Variants in EPHA3 observed in about 807,000 individuals in gnomAD.
EPHA3 encodes the protein ephrin type-A receptor 3.
EPHA3 carries 42 observed loss-of-function variants against 107.1 expected under a neutral mutation model. The ratio of observed to expected loss-of-function variants is 0.39; its 90% CI spans 0.31 to 0.51. The LOEUF (loss-of-function observed/expected upper bound fraction) is 0.51, where lower values mean the gene tolerates loss of function less well. EPHA3 is among the 20% of genes least tolerant of loss of function. The pLI is 0.78. For synonymous variants in EPHA3, 461 were observed against 424.8 expected (o/e 1.09, Z -1.05); for missense variants, 1,183 against 1,211.2 (o/e 0.98, Z 0.35).
At chr3:89,141,872 G>T (rs559078532) in intron 2 of EPHA3, among the ~76,000 whole-genome samples, 19 of 151,132 alleles carry the variant, frequency 1.3e-4, no homozygotes, top group Non-Finnish European at 2.5e-4. Flanking sequence ...TTGTTTCATG[G>T]CCCCTATATT....
chr3:89,470,778 G>A (rs560255787), intron 15 of EPHA3, among the ~76,000 whole-genome samples: 17 of 152,306 alleles, frequency 1.1e-4, no homozygotes, highest in African/African-American at 4.1e-4. Context: ...AGAATAATGT[G>A]GGTCTAAAGG....
intron 3 of EPHA3, among the ~76,000 whole-genome samples, chr3:89,288,184 T>C (rs1040290966): frequency 6.6e-6 from 1 of 152,094 alleles, no homozygotes; most frequent in Non-Finnish European, 1.5e-5. Flanking sequence ...GTTACCATCA[T>C]GCAAAACAAT....
chr3:89,419,092 G>A, intron 10 of EPHA3, 113 bp from the exon 11 acceptor site: 1 of 1,136,148 alleles, frequency 8.8e-7, no homozygotes, highest in South Asian at 1.7e-5. Context: ...CATCTTGCAG[G>A]TCAAAGGCAC....
intron 5 of EPHA3, among the ~76,000 whole-genome samples, chr3:89,385,189 C>T (rs1708591459): frequency 6.6e-6 from 1 of 152,102 alleles, no homozygotes; most frequent in Non-Finnish European, 1.5e-5. Context: ...TTCCTACCAA[C>T]ATAATTTCTT....
intron 2 of EPHA3, among the ~76,000 whole-genome samples, chr3:89,203,838 A>G (rs1706035077): frequency 6.6e-6 from 1 of 152,066 alleles, no homozygotes; most frequent in South Asian, 2.1e-4. Context: ...AGCTCCTAGA[A>G]GAGTGGAGCT....
chr3:89,223,183 T>TA (rs999365796), intron 3 of EPHA3, among the ~76,000 whole-genome samples: 6 of 152,222 alleles, frequency 3.9e-5, no homozygotes, highest in African/African-American at 1.4e-4. Context: ...TTCTCCTTTT[T>TA]AAAAAACTCC....
chr3:89,372,420 A>G (rs1352006031), intron 5 of EPHA3, among the ~76,000 whole-genome samples: 2 of 151,616 alleles, frequency 1.3e-5, no homozygotes, highest in African/African-American at 4.8e-5. Flanking sequence ...AAAACACAGC[A>G]GCTTTTATTC....
chr3:89,242,781 T>G (rs1704935002), intron 3 of EPHA3, among the ~76,000 whole-genome samples: 1 of 152,156 alleles, frequency 6.6e-6, no homozygotes, highest in African/African-American at 2.4e-5. Context: ...TACTTTAAGT[T>G]TTAGGGTACA....
At chr3:89,367,888 T>C (rs1169060295) in intron 5 of EPHA3, among the ~76,000 whole-genome samples, 1 of 150,672 alleles carries the variant, frequency 6.6e-6, no homozygotes, top group African/African-American at 2.4e-5. Context: ...TACAGAATCG[T>C]TTATCTGTAT....
rs544168818 is a variant in EPHA3 at position 89,438,222 on chromosome 3, C to CCT, written c.2346+6865_2346+6866dup. ...CTCCCGGGTTCACGCCATTCTCCTG[C>CCT]CTCAGCCTCCGGAGTAGCTGGGACC... is the stretch of plus-strand genomic sequence containing the variant. On this transcript the variant is annotated intron_variant, in intron 13 of 16. Transcript: ENST00000336596. Among the ~76,000 whole-genome samples, 34 of 152,106 alleles carry CCT rather than the reference C, an allele frequency of 2.2e-4. No individual in the cohort carries two copies. The South Asian group carries it at 6.2e-3, about 28-fold the overall frequency.
At chr3:89,393,307 A>C (rs747368173) in intron 5 of EPHA3, among the ~76,000 whole-genome samples, 25 of 152,244 alleles carry the variant, frequency 1.6e-4, no homozygotes, top group Admixed American at 1.4e-3. Flanking sequence ...AAGAGCTTTG[A>C]AGAAATTCAA....
intron 3 of EPHA3, among the ~76,000 whole-genome samples, chr3:89,258,919 A>T (rs1705349278): frequency 6.6e-6 from 1 of 152,194 alleles, no homozygotes; most frequent in Admixed American, 6.5e-5. Flanking sequence ...CACAAAATCC[A>T]AACAAGTTTA....
intron 2 of EPHA3, among the ~76,000 whole-genome samples, chr3:89,163,446 G>A (rs1394974504): frequency 7.8e-6 from 1 of 127,886 alleles, no homozygotes; most frequent in Admixed American, 9.0e-5. Flanking sequence ...TGTTGCTGCT[G>A]ATGCTTTATA....
chr3:89,391,755 A>C (rs1382972451), intron 5 of EPHA3, among the ~76,000 whole-genome samples: 3 of 151,992 alleles, frequency 2.0e-5, no homozygotes, highest in Non-Finnish European at 4.4e-5. Context: ...CTTAAGAAAT[A>C]TTTCATTTAA....
chr3:89,268,633 C>T (rs924915877), intron 3 of EPHA3, among the ~76,000 whole-genome samples: 1 of 151,632 alleles, frequency 6.6e-6, no homozygotes, highest in African/African-American at 2.4e-5. Context: ...GACAGTTACC[C>T]TATTATAAAT....
At chr3:89,316,873 G>T (rs368475961) in intron 3 of EPHA3, among the ~76,000 whole-genome samples, 12 of 151,332 alleles carry the variant, frequency 7.9e-5, no homozygotes, top group African/African-American at 1.9e-4. Flanking sequence ...CTTTATGAAT[G>T]GTCATTTCAA....
At chr3:89,183,766 C>T (rs1705498498) in intron 2 of EPHA3, among the ~76,000 whole-genome samples, 1 of 151,802 alleles carries the variant, frequency 6.6e-6, no homozygotes, top group Non-Finnish European at 1.5e-5. Flanking sequence ...TTTAATGGCT[C>T]AAGAAGTAGC....
chr3:89,174,213 G>A (rs192942498), intron 2 of EPHA3, among the ~76,000 whole-genome samples: 135 of 152,044 alleles, frequency 8.9e-4, no homozygotes, highest in African/African-American at 3.2e-3. Flanking sequence ...ATATCAAGAG[G>A]TCTTAGGTTT....
intron 2 of EPHA3, among the ~76,000 whole-genome samples, chr3:89,172,029 G>A (rs1380430589): frequency 6.6e-6 from 1 of 151,786 alleles, no homozygotes; most frequent in African/African-American, 2.4e-5. Flanking sequence ...GTAACCAACC[G>A]CCCCTTCTTC....
Sources: allele counts gnomAD v4.1 joint callset (sites outside exome capture counted in the v4.1 genomes callset), GRCh38; gene constraint gnomAD v4.1.1; transcripts MANE v1.5; gene names NCBI Gene and HGNC (gene_info 2026-07-23, HGNC 2026-07-21).